ZNF469: variants seen among roughly 807,000 people sequenced by gnomAD.
The protein encoded by ZNF469 is zinc finger protein 469.
Under a neutral mutation model 1.0 loss-of-function variants are expected in ZNF469, and 1 was observed. The observed-to-expected ratio is 1.00, with a 90% confidence interval of 0.35 to 4.73. The LOEUF (loss-of-function observed/expected upper bound fraction) is 4.73. ZNF469 is among the 30% of genes most tolerant of loss of function. The pLI is 0.16. For missense variants in ZNF469, 6,100 were observed against 5,356.3 expected (o/e 1.14, Z -4.33); for synonymous variants, 2,703 against 2,363.4 (o/e 1.14, Z -4.17).
the ZNF469 span, among the ~76,000 whole-genome samples, chr16:88,145,303 G>A: frequency 0.022 from 3,296 of 152,282 alleles, 57 homozygotes; most frequent in Non-Finnish European, 0.032. Flanking sequence ...CACACATAAT[G>A]AATGCATGCC....
rs764262910 is a variant in ZNF469, at chr16:88,435,216, G to A, written c.7746G>A (p.Glu2582=). 3 of 1,550,268 alleles carry A rather than the reference G, an allele frequency of 1.9e-6. No individual in the cohort carries two copies. Among genetic ancestry groups the A allele is most frequent in the African/African-American group, 2.7e-5 (2 of 73,048 alleles). ...ACCCTCCAAGCCCTACTGAGCATGA[G>A]GTAGATGTGAAGACTCCGGCCTCCA... ...QLHPPSPTEH[E]VDVKTPASKP... Residue 2582 remains glutamate, a synonymous_variant, in exon 3 of 3, where the codon GAG becomes GAA. Transcript: ENST00000565624.
Position 88,433,196 on chromosome 16 carries a change from G to C in ZNF469, c.5726G>C (p.Gly1909Ala). The change falls in exon 3 of 3, where the codon GGG (glycine) becomes GCG (alanine). Residue 1909 changes from glycine to alanine, a missense_variant. Physicochemically the swap from Gly to Ala is moderately conservative, Grantham distance 60. Coordinates refer to ENST00000565624, the MANE Select transcript of ZNF469 (RefSeq NM_001367624.2). ...CCCATACGTCAGCTCCAGCTCCCAGGGCCTGGAGTGGCTAAGAGTAAAGAT... is the reference window on the plus strand; with the variant it reads ...CCCATACGTCAGCTCCAGCTCCCAGCGCCTGGAGTGGCTAAGAGTAAAGAT... The part of the protein sequence containing the change: ...SPPIRQLQLP[G>A]PGVAKSKDGI... The C allele has an allele frequency of 6.5e-7, 1 of 1,550,320 alleles. No homozygotes were observed.
chr16:88,232,629 G>T, the ZNF469 span, among the ~76,000 whole-genome samples: 29 of 152,354 alleles, frequency 1.9e-4, no homozygotes, highest in African/African-American at 6.5e-4. Context: ...GGCTGTCCGG[G>T]AGCTCTCTGC....
At chr16:88,132,116 C>T in the ZNF469 span, among the ~76,000 whole-genome samples, 13 of 152,224 alleles carry the variant, frequency 8.5e-5, no homozygotes, top group East Asian at 5.8e-4. Flanking sequence ...GTGTGGACAT[C>T]GCTGTCTGTG....
At chr16:88,215,383 A>ATTTTT in the ZNF469 span, among the ~76,000 whole-genome samples, 2,671 of 93,910 alleles carry the variant, frequency 0.028, 177 homozygotes, top group African/African-American at 0.045. Flanking sequence ...TTGCCTTTTA[A>ATTTTT]TTTTTTTTTT....
At chr16:88,109,441 C>T in the ZNF469 span, among the ~76,000 whole-genome samples, 9 of 152,264 alleles carry the variant, frequency 5.9e-5, no homozygotes, top group African/African-American at 1.7e-4. Flanking sequence ...TCCGATGTCA[C>T]GTGGATCAGG....
At chr16:88,273,027 T>C in the ZNF469 span, among the ~76,000 whole-genome samples, 113 of 122,432 alleles carry the variant, frequency 9.2e-4, 3 homozygotes, top group African/African-American at 3.5e-3. Flanking sequence ...GATGGATGAA[T>C]GGGTGGGTGT....
At chr16:88,391,984 G>A (rs1456263191) in intron 1 of ZNF469, among the ~76,000 whole-genome samples, 2 of 152,018 alleles carry the variant, frequency 1.3e-5, no homozygotes, top group Non-Finnish European at 1.5e-5. Context: ...AACATGATAC[G>A]GTATCCTATT....
the ZNF469 span, among the ~76,000 whole-genome samples, chr16:88,308,648 A>C: frequency 6.6e-6 from 1 of 152,142 alleles, no homozygotes; most frequent in Non-Finnish European, 1.5e-5. Flanking sequence ...GAGCAGAAGG[A>C]CACCCACAGA....
chr16:88,375,018 C>T, the ZNF469 span, among the ~76,000 whole-genome samples: 8 of 152,232 alleles, frequency 5.3e-5, no homozygotes, highest in Non-Finnish European at 1.0e-4. Context: ...GCCCAGGCAC[C>T]GAAGCGCTGG....
chr16:88,315,597 C>A, the ZNF469 span, among the ~76,000 whole-genome samples: 1 of 152,176 alleles, frequency 6.6e-6, no homozygotes, highest in African/African-American at 2.4e-5. Flanking sequence ...AGCTCTCAGG[C>A]CTCCCTGTGA....
chr16:88,135,316 A>G, the ZNF469 span, among the ~76,000 whole-genome samples: 94,337 of 152,120 alleles, frequency 0.62, 31,040 homozygotes, highest in Non-Finnish European at 0.75. Context: ...GCTTTGTTCT[A>G]CTGCTCAATG....
chr16:88,262,105 A>G, the ZNF469 span, among the ~76,000 whole-genome samples: 3 of 152,028 alleles, frequency 2.0e-5, no homozygotes, highest in East Asian at 5.8e-4. The surrounding 1 kb of genome is among the most constrained non-coding windows in gnomAD (Gnocchi z 4.3). Context: ...CGACGTTTCC[A>G]CCTCACTCAG....
chr16:88,429,567 G>A lies in ZNF469; in HGVS notation c.2097G>A (p.Arg699=). 1 of 1,550,074 alleles carries A rather than the reference G, an allele frequency of 6.5e-7. No individual in the cohort carries two copies. The highest frequency in any genetic ancestry group is 8.7e-7 in the Non-Finnish European group (1 of 1,146,846). The change falls in exon 3 of 3, where the codon CGG becomes CGA. Residue 699 remains arginine, a synonymous_variant. Transcript: ENST00000565624. ...PFPHEGPEVG[R]GGLQGFPRAP... ...CCCACGAGGGCCCCGAGGTGGGTCG[G>A]GGAGGGCTGCAGGGCTTCCCCCGTG...
At chr16:88,411,723 G>C (rs1306832044) in intron 1 of ZNF469, among the ~76,000 whole-genome samples, 2 of 152,158 alleles carry the variant, frequency 1.3e-5, no homozygotes, top group Non-Finnish European at 2.9e-5. Flanking sequence ...AGTGCTGCAG[G>C]GCCTGGGGCC....
the ZNF469 span, among the ~76,000 whole-genome samples, chr16:88,124,400 A>G: frequency 6.6e-6 from 1 of 151,392 alleles, no homozygotes; most frequent in Non-Finnish European, 1.5e-5. Context: ...TAATTTTTGT[A>G]TTTTTTGTGG....
intron 1 of ZNF469, among the ~76,000 whole-genome samples, chr16:88,422,301 A>G (rs148512460): frequency 4.5e-3 from 35 of 7,848 alleles, no homozygotes; most frequent in Non-Finnish European, 0.01. Flanking sequence ...TGGATGGATG[A>G]GTGGGTGGAT....
At chr16:88,343,044 G>A in the ZNF469 span, among the ~76,000 whole-genome samples, 264 of 152,302 alleles carry the variant, frequency 1.7e-3, 1 homozygote, top group Non-Finnish European at 2.6e-3. Flanking sequence ...GATAGCACAC[G>A]GGGACTGAGA....
At chr16:88,398,677 CGTGAGCCACAGGTGGAAAGGGCAT>C (rs140523831) in intron 1 of ZNF469, among the ~76,000 whole-genome samples, 38,915 of 150,994 alleles carry the variant, frequency 0.26, 5,597 homozygotes, top group African/African-American at 0.4. Context: ...TGAGGGGACA[CGTGAGCCACAGGTGGAAAGGGCAT>C]GTGAGCCACA....
Sources: allele counts gnomAD v4.1 joint callset (sites outside exome capture counted in the v4.1 genomes callset), GRCh38; gene constraint gnomAD v4.1.1; non-coding constraint Gnocchi (gnomAD v3.1); transcripts MANE v1.5; gene names NCBI Gene and HGNC (gene_info 2026-07-23, HGNC 2026-07-21).